Variants in NKX3-2 observed in about 807,000 individuals in gnomAD.
NKX3-2 encodes the protein homeobox protein Nkx-3.2.
In NKX3-2, 13 loss-of-function variants were observed where a neutral mutation model predicts 19.4. That is an observed-to-expected ratio of 0.67 (90% confidence interval 0.44 to 1.07). The LOEUF is 1.07. Ranked by LOEUF, NKX3-2 falls within the 50% of genes least tolerant of loss-of-function variation. The pLI, the probability that NKX3-2 is intolerant of heterozygous loss-of-function variation, is 0.00. For missense variants in NKX3-2, 562 were observed against 488.2 expected (o/e 1.15, Z -1.42); for synonymous variants, 269 against 230.5 (o/e 1.17, Z -1.51).
rs917491226 is a variant in NKX3-2 at position 13,542,928 on chromosome 4, C to T, written c.467-400G>A. 2.6e-5 allele frequency among the ~76,000 whole-genome samples: 4 copies of T among 151,974 alleles called. No individual in the cohort carries two copies. Among genetic ancestry groups the T allele is most frequent in the African/African-American group, 9.7e-5 (4 of 41,392 alleles). ...TCTCTCTGCTTGGGTTCACGCGCCT[C>T]TCCACACTTAGTTCACACGCACACA... is the stretch of plus-strand genomic sequence containing the variant. On this transcript the variant is annotated intron_variant, in intron 1 of 1. Transcript: ENST00000382438. This position sits in a 1 kb window ranked among gnomAD's most constrained non-coding sequence, Gnocchi z 6.4.
chr4:13,545,915 G>A (rs1718123062), upstream of NKX3-2, among the ~76,000 whole-genome samples: 1 of 152,102 alleles, frequency 6.6e-6, no homozygotes, highest in Non-Finnish European at 1.5e-5. Context: ...TGTAATAGTA[G>A]GAACCAAGCT....
In NKX3-2 at chr4:13,543,990, G is replaced by A. The variant is rs774164249; in HGVS notation, c.425C>T (p.Ala142Val). The A allele has an allele frequency of 6.4e-7, 1 of 1,566,676 alleles. No homozygotes were observed. The highest frequency in any genetic ancestry group is 8.6e-7 in the Non-Finnish European group (1 of 1,159,020). ...LAASKDLEEE[A>V]AGRSDSEMSA... is the part of the protein sequence containing the mutation. ...CATCTCGCTGTCGCTCCGGCCCGCG[G>A]CTTCCTCCTCTAGGTCTTTGGAAGC... Residue 142 changes from alanine (A) to valine (V), a missense_variant, in exon 1 of 2, where the codon GCC (alanine) becomes GTC (valine). Ala to Val is a moderately conservative substitution (Grantham distance 64). Transcript: ENST00000382438. The surrounding 1 kb of genome is among the most constrained non-coding windows in gnomAD (Gnocchi z 7.1).
upstream of NKX3-2, chr4:13,547,438 G>T (rs1217361757): frequency 3.2e-6 from 1 of 317,308 alleles, no homozygotes; most frequent in Non-Finnish European, 6.1e-6. Flanking sequence ...CCGGCCGGGC[G>T]GCCGGTGAGG....
rs990671837 is a variant in NKX3-2 at position 13,543,454 on chromosome 4, C to T, written c.466+495G>A. On this transcript the variant is annotated intron_variant, in intron 1 of 1. Transcript: ENST00000382438. The surrounding 1 kb of genome is among the most constrained non-coding windows in gnomAD (Gnocchi z 7.1). ...CCCCAAAGCTCTAGTTCTGCAGATT[C>T]TCAGCTCTGGCCCACTCGGAGGTGT... 6.6e-6 allele frequency among the ~76,000 whole-genome samples: 1 copy of T among 152,220 alleles called. No individual in the cohort carries two copies. Among genetic ancestry groups the T allele is most frequent in the Non-Finnish European group, 1.5e-5 (1 of 68,050 alleles).
At position 13,542,240 on chromosome 4, in the gene NKX3-2, A is replaced by G; in HGVS notation, c.755T>C (p.Ile252Thr). 1 of 1,611,438 alleles carries G rather than the reference A, an allele frequency of 6.2e-7. No individual in the cohort carries two copies. Among genetic ancestry groups the G allele is most frequent in the Non-Finnish European group, 8.5e-7 (1 of 1,179,382 alleles). The change falls in exon 2 of 2, where the codon ATC becomes ACC. Residue 252 changes from isoleucine to threonine, a missense_variant. Coordinates refer to ENST00000382438, the MANE Select transcript of NKX3-2 (RefSeq NM_001189.4). The surrounding 1 kb of genome is among the most constrained non-coding windows in gnomAD (Gnocchi z 6.4). ...SLKLTETQVK[I>T]WFQNRRYKTK... Reference sequence around the variant, plus strand: ...CTTGTAGCGACGGTTCTGGAACCAGATTTTCACCTGCGTCTCGGTGAGCTT... The same window carrying G: ...CTTGTAGCGACGGTTCTGGAACCAGGTTTTCACCTGCGTCTCGGTGAGCTT...
At position 13,540,958 on chromosome 4, in the gene NKX3-2, G is replaced by A. The variant is rs1042773589; in HGVS notation, c.*1035C>T. ...TGCCATTAAGGAGGCGAAAAGCGGC[G>A]AGGTTGACAAGACAGGTGGGATCAC... On this transcript the variant is annotated 3_prime_UTR_variant, in exon 2 of 2. Transcript: ENST00000382438. 1.3e-5 allele frequency: 2 copies of A among 152,218 alleles called. No individual in the cohort carries two copies. Among genetic ancestry groups the A allele is most frequent in the Non-Finnish European group, 2.9e-5 (2 of 68,078 alleles). 9.4% of individuals were successfully genotyped at this position (152,218 alleles called of 1,614,324 possible).
chr4:13,542,275 G>A lies in NKX3-2; in HGVS notation c.720C>T (p.Ala240=), dbSNP rs2109004502. Residue 240 remains alanine, a synonymous_variant, in exon 2 of 2, where the codon GCC becomes GCT. Coordinates refer to ENST00000382438, the MANE Select transcript of NKX3-2 (RefSeq NM_001189.4). This position sits in a 1 kb window ranked among gnomAD's most constrained non-coding sequence, Gnocchi z 6.4. ...GCGTCTCGGTGAGCTTCAGCGACGC[G>A]GCCAGGTCTGCGCGCTCGGGCCCGG... ...YLSGPERADL[A]ASLKLTETQV... 2 of 1,610,220 alleles carry A rather than the reference G, an allele frequency of 1.2e-6. No individual in the cohort carries two copies. The highest frequency in any genetic ancestry group is 1.7e-6 in the Non-Finnish European group (2 of 1,179,074).
chr4:13,544,189 C>G lies in NKX3-2; in HGVS notation c.226G>C (p.Gly76Arg). The G allele has an allele frequency of 6.2e-7, 1 of 1,602,550 alleles. No homozygotes were observed. The highest frequency in any genetic ancestry group is 8.5e-7 in the Non-Finnish European group (1 of 1,178,866). ...AEDSLLASPA[G>R]TRTAAGRTAE... ...GTCCGCCCCGCAGCTGTTCTGGTAC[C>G]GGCAGGAGACGCCAGCAGAGAGTCC... Residue 76 changes from glycine to arginine, a missense_variant, in exon 1 of 2, where the codon GGT (glycine) becomes CGT (arginine). Gly to Arg is a moderately radical substitution (Grantham distance 125). Transcript: ENST00000382438.
Position 13,541,882 on chromosome 4 carries a change from CCT to C in NKX3-2, c.*109_*110del. 1 of 1,469,530 alleles carries C rather than the reference CCT, an allele frequency of 6.8e-7. No homozygotes were observed. 91.0% of individuals were successfully genotyped at this position (1,469,530 alleles called of 1,614,324 possible). On this transcript the variant is annotated 3_prime_UTR_variant, in exon 2 of 2. Coordinates refer to ENST00000382438, the MANE Select transcript of NKX3-2 (RefSeq NM_001189.4). ...TAACGGGAGCTGGAGCTGGGTTTCACCTCCAGGTGCCTCCTTGGCGGGGCGCC... is the reference window on the plus strand; with the variant it reads ...TAACGGGAGCTGGAGCTGGGTTTCACCCAGGTGCCTCCTTGGCGGGGCGCC...
In NKX3-2 at chr4:13,541,260, G is replaced by A. The variant is rs3733554; in HGVS notation, c.*733C>T. 1.3e-5 allele frequency: 2 copies of A among 152,190 alleles called. No individual in the cohort carries two copies. The highest frequency in any genetic ancestry group is 1.5e-5 in the Non-Finnish European group (1 of 68,064). 9.4% of individuals were successfully genotyped at this position (152,190 alleles called of 1,614,324 possible). A position where few individuals can be genotyped will look rare whatever the true frequency, so the allele number is the denominator to read the frequency against. On this transcript the variant is annotated 3_prime_UTR_variant, in exon 2 of 2. Transcript: ENST00000382438. ...CCTGGGTGTGCGCTCTCCTCCTTCC[G>A]GGACTCCCAGGCGCTTCCTGCTTGT... is the stretch of plus-strand genomic sequence containing the variant.
Position 13,542,393 on chromosome 4 carries a change from G to T in NKX3-2, c.602C>A (p.Ala201Glu). 6.6e-7 allele frequency: 1 copy of T among 1,505,480 alleles called. No homozygotes were observed. Among genetic ancestry groups the T allele is most frequent in the South Asian group, 1.3e-5 (1 of 78,144 alleles). 93.3% of individuals were successfully genotyped at this position (1,505,480 alleles called of 1,614,324 possible). ...CGAGCGCTTCTTGCGTGGCTTGGGC[G>T]CCGCCGGCTCCTCCTCCTCCTCCGC... is the stretch of plus-strand genomic sequence containing the variant. ...GVAEEEEEPA[A>E]PKPRKKRSRA... The change falls in exon 2 of 2, where the codon GCG (alanine) becomes GAG (glutamate). Residue 201 changes from alanine (A) to glutamate (E), a missense_variant. Transcript: ENST00000382438. The surrounding 1 kb of genome is among the most constrained non-coding windows in gnomAD (Gnocchi z 6.4).
Position 13,542,475 on chromosome 4 carries a change from C to T in NKX3-2, c.520G>A (p.Val174Met), listed in dbSNP as rs559539989. 2 of 1,596,318 alleles carry T rather than the reference C, an allele frequency of 1.3e-6. No homozygotes were observed. Among genetic ancestry groups the T allele is most frequent in the Non-Finnish European group, 1.7e-6 (2 of 1,179,378 alleles). The change falls in exon 2 of 2, where the codon GTG becomes ATG. Residue 174 changes from valine (V) to methionine (M), a missense_variant. Transcript: ENST00000382438. This position sits in a 1 kb window ranked among gnomAD's most constrained non-coding sequence, Gnocchi z 6.4. ...DDGVGPRGAH[V>M]SALCSGAGGG... ...CCGGCCCCGCTGCACAGCGCGGACA[C>T]GTGTGCACCTCTGGGGCCAACACCG...
rs772066562 is a variant in NKX3-2 at position 13,541,215 on chromosome 4, A to G, written c.*778T>C. On this transcript the variant is annotated 3_prime_UTR_variant, in exon 2 of 2. Transcript: ENST00000382438. ...TTACACAAATAAAAAGAAACCAAGG[A>G]AAGTTTCCGCAGAGGGCTGCCTGGG... is the stretch of plus-strand genomic sequence containing the variant. The G allele has an allele frequency of 7.9e-5, 12 of 152,258 alleles. No individual in the cohort carries two copies. Among genetic ancestry groups the G allele is most frequent in the African/African-American group, 2.4e-5 (1 of 41,458 alleles). 9.4% of individuals were successfully genotyped at this position (152,258 alleles called of 1,614,324 possible).
Position 13,542,138 on chromosome 4 carries a change from A to G in NKX3-2, c.857T>C (p.Val286Ala). ...AAKKVAVKVL[V>A]RDDQRQYLPG... ...CAGGTATTGTCTCTGGTCGTCGCGCACCAGCACCTTTACGGCCACCTTCTT... is the reference window on the plus strand; with the variant it reads ...CAGGTATTGTCTCTGGTCGTCGCGCGCCAGCACCTTTACGGCCACCTTCTT... Residue 286 changes from valine to alanine, a missense_variant, in exon 2 of 2, where the codon GTG (valine) becomes GCG (alanine). Transcript: ENST00000382438. The surrounding 1 kb of genome is among the most constrained non-coding windows in gnomAD (Gnocchi z 6.4). The G allele has an allele frequency of 6.2e-7, 1 of 1,612,420 alleles. No homozygotes were observed. Among genetic ancestry groups the G allele is most frequent in the Non-Finnish European group, 8.5e-7 (1 of 1,179,206 alleles).
At position 13,542,951 on chromosome 4, in the gene NKX3-2, A is replaced by G. The variant is rs983184298; in HGVS notation, c.467-423T>C. On this transcript the variant is annotated intron_variant, in intron 1 of 1. Transcript: ENST00000382438. The surrounding 1 kb of genome is among the most constrained non-coding windows in gnomAD (Gnocchi z 6.4). ...CTCTCCACACTTAGTTCACACGCAC[A>G]CACGCGCGCGTCCTCGCAGCACACA... Among the ~76,000 whole-genome samples, 2 of 151,918 alleles carry G rather than the reference A, an allele frequency of 1.3e-5. No homozygotes were observed. Among genetic ancestry groups the G allele is most frequent in the Non-Finnish European group, 2.9e-5 (2 of 68,010 alleles).
At position 13,542,431 on chromosome 4, in the gene NKX3-2, C is replaced by G. The variant is rs770021586; in HGVS notation, c.564G>C (p.Gly188=). 69 of 1,550,318 alleles carry G rather than the reference C, an allele frequency of 4.5e-5. No individual in the cohort carries two copies. The African/African-American group carries it at 7.9e-4, about 18-fold the overall frequency. ...CSGAGGGGGS[G]PAGVAEEEEE... ...CCTCCTCCTCCGCGACGCCTGCCGG[C>G]CCGCTGCCGCCCCCGCCGCCGGCCC... Residue 188 remains glycine (G), a synonymous_variant, in exon 2 of 2, where the codon GGG becomes GGC. Transcript: ENST00000382438. The surrounding 1 kb of genome is among the most constrained non-coding windows in gnomAD (Gnocchi z 6.4).
At position 13,542,482 on chromosome 4, in the gene NKX3-2, A is replaced by T. The variant is rs1465523419; in HGVS notation, c.513T>A (p.Gly171=). The T allele has an allele frequency of 8.8e-6, 14 of 1,596,102 alleles. No individual in the cohort carries two copies. The highest frequency in any genetic ancestry group is 5.4e-5 in the African/African-American group (4 of 74,690). The change falls in exon 2 of 2, where the codon GGT becomes GGA. Residue 171 remains glycine, a synonymous_variant. Coordinates refer to ENST00000382438, the MANE Select transcript of NKX3-2 (RefSeq NM_001189.4). The surrounding 1 kb of genome is among the most constrained non-coding windows in gnomAD (Gnocchi z 6.4). ...RTEDDGVGPR[G]AHVSALCSGA... ...CGCTGCACAGCGCGGACACGTGTGCACCTCTGGGGCCAACACCGTCGTCCT... is the reference window on the plus strand; with the variant it reads ...CGCTGCACAGCGCGGACACGTGTGCTCCTCTGGGGCCAACACCGTCGTCCT...
chr4:13,546,735 C>A (rs1355232458), upstream of NKX3-2: 1 of 362,934 alleles, frequency 2.8e-6, no homozygotes, highest in East Asian at 7.4e-5. Context: ...AGGTTTGGGG[C>A]TACGTAAAGA....
chr4:13,544,659 C>G (rs963323549), upstream of NKX3-2: 3 of 290,468 alleles, frequency 1.0e-5, no homozygotes, highest in Non-Finnish European at 1.9e-5. Context: ...GAGCCAGACG[C>G]TCTCCTTTCG....
Sources: allele counts gnomAD v4.1 joint callset (sites outside exome capture counted in the v4.1 genomes callset), GRCh38; gene constraint gnomAD v4.1.1; non-coding constraint Gnocchi (gnomAD v3.1); transcripts MANE v1.5; gene names NCBI Gene and HGNC (gene_info 2026-07-23, HGNC 2026-07-21).